The following ATP10B variants were observed in gnomAD, a reference collection of about 807,000 sequenced individuals.
ATP10B encodes the protein ATPase phospholipid transporting 10B (putative).
ATP10B carries 122 observed loss-of-function variants against 141.2 expected under a neutral mutation model. That is an observed-to-expected ratio of 0.86 (90% confidence interval 0.75 to 1.00). The LOEUF (loss-of-function observed/expected upper bound fraction) is 1.00. Ranked by LOEUF, ATP10B falls within the 50% of genes least tolerant of loss-of-function variation. The pLI is 0.00. For synonymous variants in ATP10B, 685 were observed against 692.0 expected (o/e 0.99, Z 0.16); for missense variants, 1,876 against 1,825.3 (o/e 1.03, Z -0.51).
chr5:160,719,734 A>G (rs1302630294), intron 2 of ATP10B, among the ~76,000 whole-genome samples: 2 of 152,230 alleles, frequency 1.3e-5, no homozygotes, highest in Non-Finnish European at 2.9e-5. Context: ...CGTCCATTCT[A>G]TGTGCCAGGT....
intron 1 of ATP10B, among the ~76,000 whole-genome samples, chr5:160,849,525 T>C (rs1312049282): frequency 6.6e-6 from 1 of 152,014 alleles, no homozygotes; most frequent in Non-Finnish European, 1.5e-5. Flanking sequence ...AAATGCCATA[T>C]CCATTAATAT....
intron 22 of ATP10B, among the ~76,000 whole-genome samples, chr5:160,593,839 GA>G (rs1756494278): frequency 6.6e-6 from 1 of 152,080 alleles, no homozygotes; most frequent in Non-Finnish European, 1.5e-5. Context: ...AGAGAAAAAA[GA>G]ATAAAAAGAA....
the ATP10B span, among the ~76,000 whole-genome samples, chr5:160,862,293 G>A: frequency 1.3e-5 from 2 of 152,078 alleles, no homozygotes; most frequent in Admixed American, 6.6e-5. Context: ...TCGGTTAAAA[G>A]GTCACAGAAG....
At chr5:160,640,344 A>C in intron 10 of ATP10B, 117 bp downstream of exon 10, 8 of 1,165,916 alleles carry the variant, frequency 6.9e-6, no homozygotes, top group Non-Finnish European at 9.6e-6. Context: ...CATCCCGTTA[A>C]AGTGGGCAGG....
rs201139624 is a variant in ATP10B, at chr5:160,634,489, G to A, written c.1246C>T (p.Arg416Ter). 1.3e-5 allele frequency: 21 copies of A among 1,614,154 alleles called. No individual in the cohort carries two copies. In the Admixed American group the frequency reaches 1.8e-4, roughly 14 times the overall value. Reference protein sequence around the residue: ...DEETDLSIQCRALNIAEDLGQ... With the variant: ...DEETDLSIQC ...AAGTCCTCTGCGATGTTGAGGGCTC[G>A]ACATTGAATGGATAAATCGGTCTCT... Residue 416 changes from arginine (R) to a stop codon, truncating the protein, a stop_gained, in exon 12 of 26, where the codon CGA (arginine) becomes TGA (stop). Transcript: ENST00000327245. LOFTEE classifies it high-confidence loss of function.
chr5:160,618,611 T>C (rs946872092), intron 15 of ATP10B, among the ~76,000 whole-genome samples: 5 of 152,234 alleles, frequency 3.3e-5, no homozygotes, highest in African/African-American at 1.2e-4. Flanking sequence ...ATGAAAAATA[T>C]GTGTGTTGCT....
At chr5:160,786,645 T>C (rs1384090263) in intron 1 of ATP10B, among the ~76,000 whole-genome samples, 1 of 152,154 alleles carries the variant, frequency 6.6e-6, no homozygotes, top group Non-Finnish European at 1.5e-5. Context: ...CATTGCTAAC[T>C]TTACTGACTT....
chr5:160,700,767 G>T (rs898700131), intron 3 of ATP10B, among the ~76,000 whole-genome samples: 1 of 152,052 alleles, frequency 6.6e-6, no homozygotes, highest in Non-Finnish European at 1.5e-5. Flanking sequence ...AAGTAGGGAG[G>T]AATTTCAAGA....
At chr5:160,724,192 A>G (rs867435844) in intron 2 of ATP10B, among the ~76,000 whole-genome samples, 94 of 151,832 alleles carry the variant, frequency 6.2e-4, no homozygotes, top group African/African-American at 1.4e-4. Context: ...TACATGGGTA[A>G]TGAAATAATC....
At chr5:160,922,849 C>A in the ATP10B span, among the ~76,000 whole-genome samples, 1 of 152,192 alleles carries the variant, frequency 6.6e-6, no homozygotes, top group Non-Finnish European at 1.5e-5. Flanking sequence ...CCTCCAAGCC[C>A]TTGGTCCAAG....
chr5:160,652,531 T>C (rs970727175), intron 7 of ATP10B, among the ~76,000 whole-genome samples: 1 of 146,046 alleles, frequency 6.8e-6, no homozygotes, highest in Non-Finnish European at 1.5e-5. Context: ...CGATCACAGC[T>C]CACTGTAGCC....
intron 6 of ATP10B, chr5:160,684,817 C>A: frequency 1.5e-6 from 1 of 670,148 alleles, no homozygotes; most frequent in South Asian, 1.7e-5. Flanking sequence ...AAGACTTCCC[C>A]AGAGTTTTTT....
At chr5:160,644,631 G>C (rs1317297735) in intron 8 of ATP10B, among the ~76,000 whole-genome samples, 2 of 152,104 alleles carry the variant, frequency 1.3e-5, no homozygotes, top group Non-Finnish European at 2.9e-5. Flanking sequence ...GTGACCTCTG[G>C]TTGTCCTCAC....
chr5:160,784,331 T>C (rs1201399031), intron 2 of ATP10B, among the ~76,000 whole-genome samples: 1 of 152,204 alleles, frequency 6.6e-6, no homozygotes, highest in African/African-American at 2.4e-5. Flanking sequence ...TTTAATAGAA[T>C]GAACTACTGC....
the ATP10B span, among the ~76,000 whole-genome samples, chr5:160,879,135 C>A: frequency 1.8e-5 from 1 of 56,958 alleles, no homozygotes; most frequent in Non-Finnish European, 3.5e-5. Context: ...TGGAACCAAC[C>A]CAAATGTCCA....
chr5:160,808,118 T>C (rs4569911), intron 1 of ATP10B, among the ~76,000 whole-genome samples: 56,721 of 152,024 alleles, frequency 0.37, 11,808 homozygotes, highest in East Asian at 0.62. Context: ...TTTATTCCAT[T>C]AAAAAATCTG....
At chr5:160,695,489 AGTGT>A (rs59946073) in intron 3 of ATP10B, among the ~76,000 whole-genome samples, 94,985 of 148,608 alleles carry the variant, frequency 0.64, 30,552 homozygotes, top group Middle Eastern at 0.75. Context: ...TGCGTGAGTG[AGTGT>A]GTGTGTGTGT....
Position 160,670,659 on chromosome 5 carries a change from T to C in ATP10B, c.479A>G (p.Gln160Arg). 1 of 1,613,382 alleles carries C rather than the reference T, an allele frequency of 6.2e-7. No homozygotes were observed. The highest frequency in any genetic ancestry group is 8.5e-7 in the Non-Finnish European group (1 of 1,179,762). ...CTTCCAGCACTTCTGCACATAGGTCTGCTCTTTTCTTGGGTGAGAGAAAGA... is the reference window on the plus strand; with the variant it reads ...CTTCCAGCACTTCTGCACATAGGTCCGCTCTTTTCTTGGGTGAGAGAAAGA... ...SNIRIYERKE[Q>R]TYVQKCWKDV... Residue 160 changes from glutamine to arginine, a missense_variant, in exon 7 of 26, where the codon CAG becomes CGG. Transcript: ENST00000327245.
chr5:160,920,442 C>T, the ATP10B span, among the ~76,000 whole-genome samples: 87 of 152,302 alleles, frequency 5.7e-4, no homozygotes, highest in African/African-American at 2.0e-3. Context: ...TTGCATGTTC[C>T]GTGTTCTCAG....
Sources: gnomAD v4.1 joint callset for allele counts (sites outside exome capture counted in the v4.1 genomes callset) on GRCh38, gnomAD v4.1.1 for gene constraint, MANE v1.5 for transcripts, NCBI Gene and HGNC (gene_info 2026-07-23, HGNC 2026-07-21) for gene names.